The following KCNG3 variants were observed in gnomAD, a reference collection of about 807,000 sequenced individuals.
The protein encoded by KCNG3 is potassium voltage-gated channel modifier subfamily G member 3.
A neutral mutation model predicts 29.0 loss-of-function variants in KCNG3; 15 were observed. That is an observed-to-expected ratio of 0.52 (90% CI 0.35 to 0.80). The LOEUF (loss-of-function observed/expected upper bound fraction) is 0.80, where lower values mean the gene tolerates loss of function less well. Ranked by LOEUF, KCNG3 falls within the 30% of genes least tolerant of loss-of-function variation. KCNG3 has a pLI of 0.01. For missense variants in KCNG3, 512 were observed against 605.7 expected, an observed-to-expected ratio of 0.85 and a Z score of 1.62; for synonymous variants, 322 against 248.9, an observed-to-expected ratio of 1.29 and a Z score of -2.76.
chr2:42,492,463 C>A (rs1283199729), intron 1 of KCNG3, among the ~76,000 whole-genome samples: 1 of 152,200 alleles, frequency 6.6e-6, no homozygotes, highest in Non-Finnish European at 1.5e-5. Flanking sequence ...ATTCAAACTG[C>A]GCTTAGTTCA....
chr2:42,457,627 T>TCACACACACACACACA (rs56251665), intron 1 of KCNG3, among the ~76,000 whole-genome samples: 1,286 of 125,500 alleles, frequency 0.01, 23 homozygotes, highest in Middle Eastern at 0.016. Flanking sequence ...CAGGCAGATC[T>TCACACACACACACACA]CACACACACA....
At chr2:42,439,651 A>ATT (rs1329045182), downstream of KCNG3, among the ~76,000 whole-genome samples, 6 of 97,230 alleles carry the variant, frequency 6.2e-5, no homozygotes, top group African/African-American at 1.8e-4. Flanking sequence ...AATAAAAAAA[A>ATT]ATTTTTTTTT....
chr2:42,397,602 G>C, the KCNG3 span, among the ~76,000 whole-genome samples: 4 of 152,184 alleles, frequency 2.6e-5, no homozygotes, highest in Non-Finnish European at 5.9e-5. Context: ...TGTGATATTA[G>C]GTATAAAGGT....
Position 42,480,392 on chromosome 2 carries a change from G to A in KCNG3, c.665+12445C>T, listed in dbSNP as rs117407468. ...CTGGTAAAGTGTTAAGTCCAGGCCTGGGTGGCACCACCATTCTAAATCAGG... is the reference window on the plus strand; with the variant it reads ...CTGGTAAAGTGTTAAGTCCAGGCCTAGGTGGCACCACCATTCTAAATCAGG... On this transcript the variant is annotated intron_variant, in intron 1 of 1. Transcript: ENST00000306078. Among the ~76,000 whole-genome samples the A allele has an allele frequency of 5.5e-4, 83 of 152,270 alleles. No homozygotes were observed. In the East Asian group the frequency reaches 0.015, roughly 28 times the overall value.
chr2:42,439,184 G>C (rs1200779804), downstream of KCNG3, among the ~76,000 whole-genome samples: 1 of 151,862 alleles, frequency 6.6e-6, no homozygotes, highest in Non-Finnish European at 1.5e-5. Context: ...CCTCCTTCTT[G>C]ACATCTAAGG....
At chr2:42,432,751 T>C in the KCNG3 span, among the ~76,000 whole-genome samples, 2 of 152,152 alleles carry the variant, frequency 1.3e-5, no homozygotes, top group Admixed American at 6.5e-5. Flanking sequence ...ATTAAATATA[T>C]ACCAATTGAA....
At chr2:42,421,548 A>G in the KCNG3 span, among the ~76,000 whole-genome samples, 1 of 152,104 alleles carries the variant, frequency 6.6e-6, no homozygotes, top group Non-Finnish European at 1.5e-5. Flanking sequence ...AAGAGTTCTT[A>G]TTGTTCTGTT....
At chr2:42,482,750 T>C (rs577963956) in intron 1 of KCNG3, among the ~76,000 whole-genome samples, 1 of 151,856 alleles carries the variant, frequency 6.6e-6, no homozygotes, top group African/African-American at 2.4e-5. Context: ...AAAAACACTC[T>C]AGATGGTGAC....
intron 1 of KCNG3, among the ~76,000 whole-genome samples, chr2:42,475,609 C>T (rs1028360157): frequency 6.7e-6 from 1 of 148,534 alleles, no homozygotes; most frequent in Non-Finnish European, 1.5e-5. Flanking sequence ...TGATTACAGG[C>T]ATGAGCTGCT....
chr2:42,454,109 AAT>A (rs1672825902), intron 1 of KCNG3, among the ~76,000 whole-genome samples: 1 of 151,902 alleles, frequency 6.6e-6, no homozygotes. Context: ...AAAAAAAAAA[AAT>A]CACACCAGAA....
In KCNG3 at chr2:42,493,009, T is replaced by C; in HGVS notation, c.493A>G (p.Thr165Ala). ...AGGATCTGCGCGGCCAGCGACGACGTGGGCTCCTCGAAGGTCCGCCGCATG... is the reference window on the plus strand; with the variant it reads ...AGGATCTGCGCGGCCAGCGACGACGCGGGCTCCTCGAAGGTCCGCCGCATG... Reference protein sequence around the residue: ...ERMRRTFEEPTSSLAAQILAS... With the variant: ...ERMRRTFEEPASSLAAQILAS... Residue 165 changes from threonine (T) to alanine (A), a missense_variant, in exon 1 of 2, where the codon ACG becomes GCG. Thr to Ala is a moderately conservative substitution (Grantham distance 58). Around this residue, in one of 5 missense-constraint regions of KCNG3, gnomAD observed 228 missense variants for 200.0 expected, o/e 1.14. Transcript: ENST00000306078. 6 of 1,529,238 alleles carry C rather than the reference T, an allele frequency of 3.9e-6. No homozygotes were observed. The highest frequency in any genetic ancestry group is 5.3e-6 in the Non-Finnish European group (6 of 1,142,146). 94.7% of individuals were successfully genotyped at this position (1,529,238 alleles called of 1,614,324 possible).
the KCNG3 span, among the ~76,000 whole-genome samples, chr2:42,429,594 C>T: frequency 6.6e-6 from 1 of 152,180 alleles, no homozygotes; most frequent in Admixed American, 6.5e-5. Flanking sequence ...TGTGACACTG[C>T]ACAAAGTCTC....
the KCNG3 span, among the ~76,000 whole-genome samples, chr2:42,430,806 A>G: frequency 6.6e-5 from 10 of 152,104 alleles, no homozygotes; most frequent in African/African-American, 9.7e-5. Context: ...AGTATTAAGC[A>G]AAAATAAAAG....
chr2:42,404,233 T>C, the KCNG3 span, among the ~76,000 whole-genome samples: 1 of 152,228 alleles, frequency 6.6e-6, no homozygotes, highest in Non-Finnish European at 1.5e-5. Flanking sequence ...TCCATTCCCC[T>C]AAGTTTTCAA....
At chr2:42,446,411 T>C (rs1280005910) in intron 1 of KCNG3, among the ~76,000 whole-genome samples, 1 of 152,122 alleles carries the variant, frequency 6.6e-6, no homozygotes, top group Non-Finnish European at 1.5e-5. Flanking sequence ...ACTTCTGACC[T>C]CAAGTGATCC....
the KCNG3 span, among the ~76,000 whole-genome samples, chr2:42,420,006 T>C: frequency 6.6e-6 from 1 of 152,116 alleles, no homozygotes; most frequent in Non-Finnish European, 1.5e-5. Flanking sequence ...GCAGATCACC[T>C]GAGGTCAGGA....
At chr2:42,394,156 C>T in the KCNG3 span, among the ~76,000 whole-genome samples, 1 of 152,188 alleles carries the variant, frequency 6.6e-6, no homozygotes, top group Non-Finnish European at 1.5e-5. Flanking sequence ...AGAACTTGAA[C>T]ACACTTCTTA....
At chr2:42,470,860 A>C (rs893227320) in intron 1 of KCNG3, among the ~76,000 whole-genome samples, 2 of 151,986 alleles carry the variant, frequency 1.3e-5, no homozygotes, top group African/African-American at 4.8e-5. Context: ...TTGTCTCAAA[A>C]AAAAAGAAGT....
the KCNG3 span, among the ~76,000 whole-genome samples, chr2:42,402,080 C>G: frequency 6.6e-6 from 1 of 152,134 alleles, no homozygotes; most frequent in African/African-American, 2.4e-5. Flanking sequence ...CATCCTCATT[C>G]ATGGGGATGG....
Sources: gnomAD v4.1 joint callset for allele counts (sites outside exome capture counted in the v4.1 genomes callset) on GRCh38, gnomAD v4.1.1 for gene constraint, gnomAD v4.1.1 regional missense constraint, MANE v1.5 for transcripts, NCBI Gene and HGNC (gene_info 2026-07-23, HGNC 2026-07-21) for gene names.